RAPGEFL1: variants seen among roughly 807,000 people sequenced by gnomAD.
The protein encoded by RAPGEFL1 is Rap guanine nucleotide exchange factor like 1, also known as rap guanine nucleotide exchange factor-like 1.
Under a neutral mutation model 64.4 loss-of-function variants are expected in RAPGEFL1, and 31 were observed. That is an observed-to-expected ratio of 0.48 (90% CI 0.36 to 0.65). The LOEUF is 0.65. Among genes scored for constraint, RAPGEFL1 ranks in the 30% least tolerant of loss-of-function variants. RAPGEFL1 has a pLI of 0.00. For synonymous variants in RAPGEFL1, 331 were observed against 274.1 expected (o/e 1.21, Z -2.05); for missense variants, 682 against 677.4 (o/e 1.01, Z -0.08).
intron 8 of RAPGEFL1, 46 bp downstream of exon 8, chr17:40,190,808 T>C (rs1990235951): frequency 1.2e-6 from 2 of 1,608,020 alleles, no homozygotes; most frequent in Non-Finnish European, 1.7e-6. Flanking sequence ...GAGGGAGAAA[T>C]GTGCCATTGG....
chr17:40,182,745 C>A (rs1262135065), intron 2 of RAPGEFL1, among the ~76,000 whole-genome samples: 1 of 152,162 alleles, frequency 6.6e-6, no homozygotes, highest in Non-Finnish European at 1.5e-5. Flanking sequence ...GTAGGGTCCG[C>A]TAGAGAGGAG....
chr17:40,182,222 T>C (rs1989916214), intron 2 of RAPGEFL1, among the ~76,000 whole-genome samples: 1 of 152,346 alleles, frequency 6.6e-6, no homozygotes, highest in East Asian at 1.9e-4. Context: ...GCACCTGCCC[T>C]GCCTATCTAT....
Position 40,191,400 on chromosome 17 carries a change from G to C in RAPGEFL1, c.1420G>C (p.Glu474Gln). 1 of 1,602,794 alleles carries C rather than the reference G, an allele frequency of 6.2e-7. No individual in the cohort carries two copies. Among genetic ancestry groups the C allele is most frequent in the Non-Finnish European group, 8.5e-7 (1 of 1,178,052 alleles). ...NLELLLQRCSEVTHWVATEVL... is the reference protein window; with the variant it reads ...NLELLLQRCSQVTHWVATEVL... Reference sequence around the variant, plus strand: ...GGAGCTGCTGCTGCAGCGCTGCAGCGAGGTCACGCACTGGGTGGCCACCGA... The same window carrying C: ...GGAGCTGCTGCTGCAGCGCTGCAGCCAGGTCACGCACTGGGTGGCCACCGA... The change falls in exon 9 of 15, where the codon GAG becomes CAG. Residue 474 changes from glutamate to glutamine, a missense_variant. By Grantham distance (29) the Glu-to-Gln change is conservative. Around this residue, in one of 2 missense-constraint regions of RAPGEFL1, gnomAD observed 411 missense variants for 519.4 expected, o/e 0.79. Coordinates refer to ENST00000620260, the MANE Select transcript of RAPGEFL1 (RefSeq NM_016339.6). The surrounding 1 kb of genome is among the most constrained non-coding windows in gnomAD (Gnocchi z 5.1).
At position 40,189,448 on chromosome 17, in the gene RAPGEFL1, T is replaced by C. The variant is rs575353073; in HGVS notation, c.1114+73T>C. 6.0e-5 allele frequency: 91 copies of C among 1,522,478 alleles called. No individual in the cohort carries two copies. In the East Asian group the frequency reaches 1.8e-3, roughly 29 times the overall value. The allele number at this position is 1,522,478 out of a possible 1,614,324, so 94.3% of individuals were successfully genotyped here. On this transcript the variant is annotated intron_variant, in intron 6 of 14. Transcript: ENST00000620260. The stretch of plus-strand genomic sequence containing the variant: ...CAAGCTCAGGGCTCTGGGGGAGGGG[T>C]AGAGACTGAATTCTAGGCCCTTGCT...
In RAPGEFL1 at chr17:40,191,259, C is replaced by T; in HGVS notation, c.1336-57C>T. On this transcript the variant is annotated intron_variant, in intron 8 of 14. Coordinates refer to ENST00000620260, the MANE Select transcript of RAPGEFL1 (RefSeq NM_016339.6). The surrounding 1 kb of genome is among the most constrained non-coding windows in gnomAD (Gnocchi z 5.1). The stretch of plus-strand genomic sequence containing the variant: ...TCATCGCCTTGCACTGCCATCTTCC[C>T]ACCCACTCCCCTCACCCCCTGGCGC... The T allele has an allele frequency of 6.8e-7, 1 of 1,472,668 alleles. No homozygotes were observed. The highest frequency in any genetic ancestry group is 9.0e-7 in the Non-Finnish European group (1 of 1,114,438). 91.2% of individuals were successfully genotyped at this position (1,472,668 alleles called of 1,614,324 possible).
intron 2 of RAPGEFL1, among the ~76,000 whole-genome samples, chr17:40,183,417 G>A (rs990101526): frequency 6.6e-6 from 1 of 151,638 alleles, no homozygotes; most frequent in Non-Finnish European, 1.5e-5. Flanking sequence ...GGCATGAGGA[G>A]GTCTTGGCTT....
chr17:40,193,367 C>T lies in RAPGEFL1; in HGVS notation c.1814C>T (p.Ser605Leu), dbSNP rs1444283677. Residue 605 changes from serine (S) to leucine (L), a missense_variant, in exon 14 of 15, where the codon TCA becomes TTA. This residue lies in a region of RAPGEFL1 where 411 missense variants were observed against 519.4 expected (regional missense o/e 0.79). Coordinates refer to ENST00000620260, the MANE Select transcript of RAPGEFL1 (RefSeq NM_016339.6). ...TCATTCCTTGTCATCTCCCAGCATTCAGTGGCCGAAAAAGTGAGGACAATC... is the reference window on the plus strand; with the variant it reads ...TCATTCCTTGTCATCTCCCAGCATTTAGTGGCCGAAAAAGTGAGGACAATC... Reference protein sequence around the residue: ...DGLVNIEKLHSVAEKVRTIRK... With the variant: ...DGLVNIEKLHLVAEKVRTIRK... 1.9e-6 allele frequency: 3 copies of T among 1,614,168 alleles called. No individual in the cohort carries two copies. In the South Asian group the frequency reaches 3.3e-5, roughly 18 times the overall value.
chr17:40,191,756 C>G lies in RAPGEFL1; in HGVS notation c.1605+84C>G. On this transcript the variant is annotated intron_variant, in intron 10 of 14. Transcript: ENST00000620260. This position sits in a 1 kb window ranked among gnomAD's most constrained non-coding sequence, Gnocchi z 5.1. ...GCGTCCTCCCGGGACGGCCGCCGGC[C>G]TGGAGGGAGTCTTTGCGCCAGTTGG... is the stretch of plus-strand genomic sequence containing the variant. 1 of 1,376,340 alleles carries G rather than the reference C, an allele frequency of 7.3e-7. No homozygotes were observed. The highest frequency in any genetic ancestry group is 1.2e-5 in the South Asian group (1 of 80,546). 85.3% of individuals were successfully genotyped at this position (1,376,340 alleles called of 1,614,324 possible).
rs1990254780 is a variant in RAPGEFL1 at position 40,191,309 on chromosome 17, G to C, written c.1336-7G>C. The C allele has an allele frequency of 1.9e-6, 3 of 1,565,660 alleles. No homozygotes were observed. The Admixed American group carries it at 5.6e-5, about 29-fold the overall frequency. The stretch of plus-strand genomic sequence containing the variant: ...CCCTGGCCGCCCCTCCGCTGCCGTG[G>C]GTGCAGCTGGAGTTCGTGGACTACG... On this transcript the variant is annotated splice_region_variant and splice_polypyrimidine_tract_variant and intron_variant, in intron 8 of 14. Coordinates refer to ENST00000620260, the MANE Select transcript of RAPGEFL1 (RefSeq NM_016339.6). This position sits in a 1 kb window ranked among gnomAD's most constrained non-coding sequence, Gnocchi z 5.1.
At chr17:40,184,725 C>T (rs1049627349) in intron 4 of RAPGEFL1, 47 bp downstream of exon 4, 6 of 1,174,248 alleles carry the variant, frequency 5.1e-6, no homozygotes, top group South Asian at 1.4e-5. Flanking sequence ...TGGTCCCCTG[C>T]GTTCCTCTAC....
At chr17:40,183,368 T>G (rs1989950473) in intron 2 of RAPGEFL1, among the ~76,000 whole-genome samples, 1 of 151,984 alleles carries the variant, frequency 6.6e-6, no homozygotes, top group Non-Finnish European at 1.5e-5. Flanking sequence ...TGTGGTCAAG[T>G]GGTCATCGCT....
intron 6 of RAPGEFL1, 67 bp from the exon 7 acceptor site, chr17:40,190,367 T>C (rs1486154452): frequency 1.4e-5 from 19 of 1,371,832 alleles, no homozygotes; most frequent in Non-Finnish European, 1.9e-5. Context: ...GATAGGACAG[T>C]GTCAGTGTGG....
chr17:40,191,282 C>A lies in RAPGEFL1; in HGVS notation c.1336-34C>A, dbSNP rs752126715. On this transcript the variant is annotated intron_variant, in intron 8 of 14. Coordinates refer to ENST00000620260, the MANE Select transcript of RAPGEFL1 (RefSeq NM_016339.6). The surrounding 1 kb of genome is among the most constrained non-coding windows in gnomAD (Gnocchi z 5.1). ...CCCACCCACTCCCCTCACCCCCTGG[C>A]GCCCTGGCCGCCCCTCCGCTGCCGT... 7 of 1,519,212 alleles carry A rather than the reference C, an allele frequency of 4.6e-6. No homozygotes were observed. The highest frequency in any genetic ancestry group is 2.1e-5 in the Admixed American group (1 of 46,650). 94.1% of individuals were successfully genotyped at this position (1,519,212 alleles called of 1,614,324 possible). A position where few individuals can be genotyped will look rare whatever the true frequency, so the allele number is the denominator to read the frequency against.
At position 40,177,638 on chromosome 17, in the gene RAPGEFL1, G is replaced by A. The variant is rs1598436026; in HGVS notation, c.-224G>A. ...GCGTGCCGGCTGCAGCCGGCATGGG[G>A]GGTTGCTGAGAGCGAGCACTCCTTT... On this transcript the variant is annotated 5_prime_UTR_variant, in exon 1 of 15. Coordinates refer to ENST00000620260, the MANE Select transcript of RAPGEFL1 (RefSeq NM_016339.6). 2.5e-6 allele frequency: 1 copy of A among 406,858 alleles called. No individual in the cohort carries two copies. Among genetic ancestry groups the A allele is most frequent in the Non-Finnish European group, 4.3e-6 (1 of 234,562 alleles). 25.2% of individuals were successfully genotyped at this position (406,858 alleles called of 1,614,324 possible).
At chr17:40,193,629 G>A (rs1436989875) in intron 14 of RAPGEFL1, 35 bp from the exon 15 acceptor site, 1 of 1,613,742 alleles carries the variant, frequency 6.2e-7, no homozygotes, top group Non-Finnish European at 8.5e-7. Flanking sequence ...AAGGGAAGCT[G>A]GGAACCTGAC....
chr17:40,193,601 G>A (rs1484762945), intron 14 of RAPGEFL1, 63 bp from the exon 15 acceptor site: 2 of 1,607,354 alleles, frequency 1.2e-6, no homozygotes, highest in Admixed American at 1.7e-5. Context: ...CTTCTGCCCG[G>A]TGTGTGTGTA....
intron 4 of RAPGEFL1, among the ~76,000 whole-genome samples, chr17:40,188,077 G>T (rs1051653619): frequency 6.6e-6 from 1 of 151,124 alleles, no homozygotes; most frequent in African/African-American, 2.4e-5. Flanking sequence ...ACTACGCCTG[G>T]CTAATTTTTG....
rs542453951 is a variant in RAPGEFL1 at position 40,184,640 on chromosome 17, T to A, written c.795T>A (p.Thr265=). ...ESLYQGLRED[T]LRLHQLVETV... ...TTTACCAGGGCCTCCGAGAGGACAC[T>A]CTGAGGCTGCACCAGCTGGTGGAGA... Residue 265 remains threonine, a synonymous_variant, in exon 4 of 15, where the codon ACT becomes ACA. Transcript: ENST00000620260. The A allele has an allele frequency of 3.8e-6, 6 of 1,593,754 alleles. No homozygotes were observed. In the African/African-American group the frequency reaches 8.0e-5, roughly 21 times the overall value.
In RAPGEFL1 at chr17:40,194,058, A is replaced by G; in HGVS notation, c.*270A>G. ...AAAGCTCCTTCCTCTATGTCCTCCC[A>G]TCGAGATCTGTTCTGGGGATGGAGC... On this transcript the variant is annotated 3_prime_UTR_variant, in exon 15 of 15. Transcript: ENST00000620260. The G allele has an allele frequency of 2.6e-6, 1 of 387,876 alleles. No homozygotes were observed. Among genetic ancestry groups the G allele is most frequent in the Non-Finnish European group, 4.8e-6 (1 of 207,046 alleles). The allele number at this position is 387,876 out of a possible 1,614,324, so 24.0% of individuals were successfully genotyped here. A position where few individuals can be genotyped will look rare whatever the true frequency, so the allele number is the denominator to read the frequency against.
Sources: allele counts gnomAD v4.1 joint callset (sites outside exome capture counted in the v4.1 genomes callset), GRCh38; gene constraint gnomAD v4.1.1; regional missense constraint gnomAD v4.1.1; non-coding constraint Gnocchi (gnomAD v3.1); transcripts MANE v1.5; gene names NCBI Gene and HGNC (gene_info 2026-07-23, HGNC 2026-07-21).